GNG7: variants seen among roughly 807,000 people sequenced by gnomAD.
GNG7 encodes the protein G protein subunit gamma 7.
GNG7 carries 1 observed loss-of-function variant against 4.0 expected under a neutral mutation model. That is an observed-to-expected ratio of 0.25 (90% CI 0.09 to 1.18). GNG7 has a LOEUF of 1.18. Among genes scored for constraint, GNG7 ranks in the 50% most tolerant of loss-of-function variants. GNG7 has a pLI of 0.50. For missense variants in GNG7, 86 were observed against 91.9 expected, an observed-to-expected ratio of 0.94 and a Z score of 0.26; for synonymous variants, 34 against 36.9, an observed-to-expected ratio of 0.92 and a Z score of 0.29.
rs145620636 is a variant in GNG7 at position 2,546,961 on chromosome 19, G to A, written c.-38+8188C>T. On this transcript the variant is annotated intron_variant, in intron 3 of 4. Coordinates refer to ENST00000382159, the MANE Select transcript of GNG7 (RefSeq NM_052847.3). This position sits in a 1 kb window ranked among gnomAD's most constrained non-coding sequence, Gnocchi z 6.3. ...GCCCCGGGCCAGGGCAAGGGGCAGC[G>A]CCGGCCTCGTGACGGTGGTGCTCGG... Among the ~76,000 whole-genome samples the A allele has an allele frequency of 7.1e-3, 1,076 of 152,242 alleles. 12 individuals are homozygous for A. The highest frequency in any genetic ancestry group is 0.024 in the African/African-American group (980 of 41,544).
At chr19:2,612,600 A>G (rs1363726909) in intron 2 of GNG7, among the ~76,000 whole-genome samples, 1 of 152,100 alleles carries the variant, frequency 6.6e-6, no homozygotes, top group East Asian at 1.9e-4. Context: ...CAAAAGATGA[A>G]TAAAATACTT....
At chr19:2,553,187 A>G (rs933339487) in intron 3 of GNG7, among the ~76,000 whole-genome samples, 1 of 151,280 alleles carries the variant, frequency 6.6e-6, no homozygotes, top group Admixed American at 6.6e-5. Flanking sequence ...CGAAAGGAGG[A>G]CATTACTACC....
At chr19:2,620,098 G>A (rs1175210853) in intron 2 of GNG7, among the ~76,000 whole-genome samples, 2 of 151,794 alleles carry the variant, frequency 1.3e-5, no homozygotes, top group East Asian at 3.9e-4. Context: ...TTGGGAGGCT[G>A]AGGCAGGAGA....
chr19:2,536,245 G>A (rs1011310731), intron 3 of GNG7, among the ~76,000 whole-genome samples: 3 of 151,832 alleles, frequency 2.0e-5, no homozygotes, highest in African/African-American at 7.3e-5. Flanking sequence ...ATGAAATCCC[G>A]TCTCTACTAA....
At position 2,633,572 on chromosome 19, in the gene GNG7, G is replaced by A. The variant is rs976693165; in HGVS notation, c.-78+12652C>T. Among the ~76,000 whole-genome samples, 1 of 151,784 alleles carries A rather than the reference G, an allele frequency of 6.6e-6. No individual in the cohort carries two copies. The highest frequency in any genetic ancestry group is 2.1e-4 in the South Asian group (1 of 4,788). On this transcript the variant is annotated intron_variant, in intron 2 of 4. Coordinates refer to ENST00000382159, the MANE Select transcript of GNG7 (RefSeq NM_052847.3). The surrounding 1 kb of genome is among the most constrained non-coding windows in gnomAD (Gnocchi z 5.9). ...ACTGGGCTGGGGTACTCAGATCCCC[G>A]GGCTCGGTGGTCGTGGATGTGAGCC... is the stretch of plus-strand genomic sequence containing the variant.
intron 1 of GNG7, among the ~76,000 whole-genome samples, chr19:2,686,249 C>T (rs1326986324): frequency 1.3e-5 from 2 of 152,080 alleles, no homozygotes; most frequent in Non-Finnish European, 2.9e-5. Flanking sequence ...CCTCCGCCAC[C>T]CGCGTTCAAG....
At chr19:2,642,955 G>A (rs1982550127) in intron 2 of GNG7, 1 of 435,060 alleles carries the variant, frequency 2.3e-6, no homozygotes, top group Non-Finnish European at 4.5e-6. Flanking sequence ...ACACCTTCTG[G>A]CCCTGCCGTC....
At position 2,575,753 on chromosome 19, in the gene GNG7, G is replaced by A. The variant is rs1447414818; in HGVS notation, c.-77-20565C>T. ...CAGGCACACGCACACGCAGGCACACGCAGACACGCAGGCACACGCAGGCAC... is the reference window on the plus strand; with the variant it reads ...CAGGCACACGCACACGCAGGCACACACAGACACGCAGGCACACGCAGGCAC... On this transcript the variant is annotated intron_variant, in intron 2 of 4. Transcript: ENST00000382159. Among the ~76,000 whole-genome samples, 130 of 87,562 alleles carry A rather than the reference G, an allele frequency of 1.5e-3. 3 individuals carry two copies. The highest frequency in any genetic ancestry group is 6.8e-3 in the African/African-American group (128 of 18,898). The allele number at this position is 87,562 out of a possible 152,430, so 57.4% of individuals were successfully genotyped here.
intron 1 of GNG7, among the ~76,000 whole-genome samples, chr19:2,694,842 C>T (rs968140061): frequency 5.9e-5 from 9 of 151,732 alleles, no homozygotes; most frequent in African/African-American, 2.2e-4. Flanking sequence ...GTGCTCCTGG[C>T]GTGGAGTGGG....
chr19:2,649,376 C>T (rs1049011723), intron 1 of GNG7, among the ~76,000 whole-genome samples: 50 of 84,916 alleles, frequency 5.9e-4, no homozygotes, highest in African/African-American at 1.9e-3. Flanking sequence ...TCAGTGTAGA[C>T]GCTCACCCCT....
chr19:2,531,767 TC>T (rs201762563), intron 3 of GNG7, among the ~76,000 whole-genome samples: 1 of 86,796 alleles, frequency 1.2e-5, no homozygotes, highest in Admixed American at 1.2e-4. Context: ...CGAGACTCCG[TC>T]CCAAAAAAAA....
At chr19:2,560,339 C>T (rs1979703374) in intron 2 of GNG7, among the ~76,000 whole-genome samples, 1 of 151,990 alleles carries the variant, frequency 6.6e-6, no homozygotes, top group South Asian at 2.1e-4. Flanking sequence ...ATCACCCCAT[C>T]CCCCAGGTCT....
intron 1 of GNG7, 63 bp downstream of exon 1, chr19:2,702,583 T>G (rs1913434379): frequency 6.6e-6 from 1 of 151,580 alleles, no homozygotes; most frequent in African/African-American, 2.4e-5. Context: ...GCTGTCCCAG[T>G]CCCCTCTCCG....
At chr19:2,595,505 G>A (rs1384912159) in intron 2 of GNG7, among the ~76,000 whole-genome samples, 5 of 152,044 alleles carry the variant, frequency 3.3e-5, no homozygotes, top group African/African-American at 7.2e-5. Flanking sequence ...AGGCCGAGGC[G>A]GGTGGATTGC....
intron 3 of GNG7, among the ~76,000 whole-genome samples, chr19:2,554,369 G>T (rs139766359): frequency 6.8e-6 from 1 of 147,818 alleles, no homozygotes; most frequent in African/African-American, 2.5e-5. Flanking sequence ...TAAGAGACCG[G>T]GTCTCACTCT....
At chr19:2,587,984 C>G (rs1052522510) in intron 2 of GNG7, among the ~76,000 whole-genome samples, 2 of 152,052 alleles carry the variant, frequency 1.3e-5, no homozygotes, top group Admixed American at 1.3e-4. Flanking sequence ...GGTGGCCACT[C>G]TCACTGTTTC....
chr19:2,598,903 G>A (rs776708190), intron 2 of GNG7, among the ~76,000 whole-genome samples: 59 of 152,070 alleles, frequency 3.9e-4, no homozygotes, highest in Non-Finnish European at 8.4e-4. Context: ...GAAAGAAATG[G>A]AAACTGATCT....
chr19:2,568,558 C>T (rs1482760032), intron 2 of GNG7, among the ~76,000 whole-genome samples: 5 of 151,556 alleles, frequency 3.3e-5, no homozygotes, highest in African/African-American at 7.3e-5. Flanking sequence ...TATATATACA[C>T]ACATATACAC....
Position 2,559,351 on chromosome 19 carries a change from C to CT in GNG7, c.-77-4164dup, listed in dbSNP as rs551861647. 3.1e-3 allele frequency among the ~76,000 whole-genome samples: 405 copies of CT among 130,224 alleles called. 3 individuals carry two copies. Among genetic ancestry groups the CT allele is most frequent in the South Asian group, 0.013 (54 of 4,120 alleles). 85.4% of individuals were successfully genotyped at this position (130,224 alleles called of 152,430 possible). ...TCAATACATGACCTGTTCTGTGTGTCTTTTTTTTTTTTTTTTTGGAGACAG... is the reference window on the plus strand; with the variant it reads ...TCAATACATGACCTGTTCTGTGTGTCTTTTTTTTTTTTTTTTTTGGAGACAG... On this transcript the variant is annotated intron_variant, in intron 2 of 4. Transcript: ENST00000382159.
Sources: allele counts gnomAD v4.1 joint callset (sites outside exome capture counted in the v4.1 genomes callset), GRCh38; gene constraint gnomAD v4.1.1; non-coding constraint Gnocchi (gnomAD v3.1); transcripts MANE v1.5; gene names NCBI Gene and HGNC (gene_info 2026-07-23, HGNC 2026-07-21).